KCNB2: variants seen among roughly 807,000 people sequenced by gnomAD.
KCNB2 encodes delayed rectifier potassium channel protein.
Under a neutral mutation model 61.5 loss-of-function variants are expected in KCNB2, and 15 were observed. That is an observed-to-expected ratio of 0.24 (90% CI 0.16 to 0.38). The LOEUF is 0.38. Ranked by LOEUF, KCNB2 falls within the 10% of genes least tolerant of loss-of-function variation. KCNB2 has a pLI of 1.00. For missense variants in KCNB2, 828 were observed against 1,125.2 expected (o/e 0.74, Z 3.78); for synonymous variants, 457 against 446.0 (o/e 1.02, Z -0.31).
intron 2 of KCNB2, among the ~76,000 whole-genome samples, chr8:72,589,771 T>G (rs1807063926): frequency 6.6e-6 from 1 of 152,220 alleles, no homozygotes; most frequent in African/African-American, 2.4e-5. Context: ...TCTGAGAAAT[T>G]GCGTATCAGT....
In KCNB2 at chr8:72,684,089, G is replaced by A. The variant is rs1259206350; in HGVS notation, c.579+115776G>A. 2.6e-5 allele frequency among the ~76,000 whole-genome samples: 4 copies of A among 152,144 alleles called. No individual in the cohort carries two copies. In the East Asian group the frequency reaches 7.7e-4, roughly 29 times the overall value. ...CAGTTAGAATAAATGGTGAGAAGTG[G>A]CCTAAAAACGGCATCCTTGGAGTTA... On this transcript the variant is annotated intron_variant, in intron 2 of 2. Coordinates refer to ENST00000523207, the MANE Select transcript of KCNB2 (RefSeq NM_004770.3).
At chr8:72,585,823 C>T (rs2128980960) in intron 2 of KCNB2, among the ~76,000 whole-genome samples, 1 of 152,160 alleles carries the variant, frequency 6.6e-6, no homozygotes, top group South Asian at 2.1e-4. Context: ...TTATTTCGGC[C>T]AAATAATGGC....
intron 2 of KCNB2, among the ~76,000 whole-genome samples, chr8:72,600,606 TAA>T (rs201601108): frequency 6.9e-6 from 1 of 145,012 alleles, no homozygotes; most frequent in Non-Finnish European, 1.5e-5. Flanking sequence ...TAATAAAATT[TAA>T]AAAAAAAAGA....
chr8:72,751,253 A>C (rs1808183109), intron 2 of KCNB2: 1 of 152,130 alleles, frequency 6.6e-6, no homozygotes, highest in Non-Finnish European at 1.5e-5. Flanking sequence ...CACAACAATC[A>C]CATAGCTCTT....
intron 2 of KCNB2, among the ~76,000 whole-genome samples, chr8:72,657,052 T>C (rs187792117): frequency 3.9e-5 from 6 of 152,318 alleles, no homozygotes; most frequent in Non-Finnish European, 4.4e-5. Context: ...TTCACTTAAC[T>C]AAATTACTTT....
intron 2 of KCNB2, among the ~76,000 whole-genome samples, chr8:72,873,157 T>C (rs776337112): frequency 1.3e-5 from 2 of 152,208 alleles, no homozygotes; most frequent in Non-Finnish European, 2.9e-5. Context: ...ACTTTTTGTC[T>C]TCAAATCCCT....
chr8:72,933,959 C>T (rs1806843740), intron 2 of KCNB2, among the ~76,000 whole-genome samples: 2 of 152,120 alleles, frequency 1.3e-5, no homozygotes, highest in South Asian at 4.1e-4. Context: ...AATAATAAAA[C>T]ACTGCACTTT....
chr8:72,889,415 C>T (rs547392592), intron 2 of KCNB2, among the ~76,000 whole-genome samples: 13 of 152,256 alleles, frequency 8.5e-5, no homozygotes, highest in Non-Finnish European at 1.6e-4. Flanking sequence ...CAGCCACATG[C>T]GGTAGCTCAT....
At chr8:72,883,733 A>T (rs114942919) in intron 2 of KCNB2, among the ~76,000 whole-genome samples, 4,402 of 152,278 alleles carry the variant, frequency 0.029, 199 homozygotes, top group African/African-American at 0.095. Flanking sequence ...TATTTTAAAT[A>T]TACTTTTTAG....
chr8:72,538,228 A>G (rs948262887), intron 1 of KCNB2, among the ~76,000 whole-genome samples: 3 of 152,002 alleles, frequency 2.0e-5, no homozygotes, highest in African/African-American at 7.3e-5. Flanking sequence ...GGATTTAGGG[A>G]GTGTGATGTC....
intron 2 of KCNB2, among the ~76,000 whole-genome samples, chr8:72,931,991 C>T (rs1806794471): frequency 6.7e-6 from 1 of 150,192 alleles, no homozygotes; most frequent in Admixed American, 6.8e-5. Context: ...CCAGCCTGGG[C>T]AACGGAGCCA....
intron 1 of KCNB2, among the ~76,000 whole-genome samples, chr8:72,561,727 A>ATATATG (rs1189336093): frequency 6.8e-4 from 24 of 35,262 alleles, no homozygotes; most frequent in Non-Finnish European, 1.1e-3. Flanking sequence ...ATATATATAT[A>ATATATG]TCTATATCTA....
chr8:72,904,364 C>T (rs1031103969), intron 2 of KCNB2, among the ~76,000 whole-genome samples: 3 of 152,148 alleles, frequency 2.0e-5, no homozygotes, highest in African/African-American at 7.2e-5. Flanking sequence ...TTTTTTAACA[C>T]AGGGGGTAGA....
chr8:72,619,961 A>C (rs566578838), intron 2 of KCNB2, among the ~76,000 whole-genome samples: 1 of 152,308 alleles, frequency 6.6e-6, no homozygotes, highest in Non-Finnish European at 1.5e-5. Context: ...TATGTGCTAT[A>C]AGTGTGAAAT....
chr8:72,829,814 A>G (rs1417927214), intron 2 of KCNB2, among the ~76,000 whole-genome samples: 1 of 152,156 alleles, frequency 6.6e-6, no homozygotes, highest in Non-Finnish European at 1.5e-5. Flanking sequence ...AATGTGTCTG[A>G]AATTAAAATG....
chr8:72,935,527 C>T (rs1028651720), intron 2 of KCNB2, among the ~76,000 whole-genome samples: 7 of 152,126 alleles, frequency 4.6e-5, no homozygotes, highest in East Asian at 1.9e-4. Context: ...AAATTCCTGG[C>T]GATCACCAAT....
At chr8:72,850,893 A>T (rs971449289) in intron 2 of KCNB2, among the ~76,000 whole-genome samples, 1 of 60,172 alleles carries the variant, frequency 1.7e-5, no homozygotes, top group African/African-American at 4.5e-5. Context: ...TTTATAGTCA[A>T]TTTGATTGGG....
At chr8:72,708,202 G>A (rs1360018902) in intron 2 of KCNB2, among the ~76,000 whole-genome samples, 3 of 152,192 alleles carry the variant, frequency 2.0e-5, no homozygotes, top group Non-Finnish European at 2.9e-5. Context: ...GCAAGATATC[G>A]GGAAGGGTGG....
intron 2 of KCNB2, among the ~76,000 whole-genome samples, chr8:72,837,806 ACTT>A (rs773516673): frequency 1.4e-5 from 2 of 145,814 alleles, no homozygotes; most frequent in Non-Finnish European, 3.0e-5. Flanking sequence ...ACTTTAAAGT[ACTT>A]CCTATGCTAA....
Sources: allele counts gnomAD v4.1 joint callset (sites outside exome capture counted in the v4.1 genomes callset), GRCh38; gene constraint gnomAD v4.1.1; transcripts MANE v1.5; gene names NCBI Gene and HGNC (gene_info 2026-07-23, HGNC 2026-07-21).